MRTFB: variants seen among roughly 807,000 people sequenced by gnomAD.
The protein encoded by MRTFB is myocardin-related transcription factor B.
A neutral mutation model predicts 104.2 loss-of-function variants in MRTFB; 29 were observed. The observed-to-expected ratio is 0.28, with a 90% confidence interval of 0.21 to 0.38. The LOEUF is 0.38. Among genes scored for constraint, MRTFB ranks in the 10% least tolerant of loss-of-function variants. The pLI is 1.00. For missense variants in MRTFB, 1,270 were observed against 1,341.6 expected, an observed-to-expected ratio of 0.95 and a Z score of 0.83; for synonymous variants, 535 against 519.5, an observed-to-expected ratio of 1.03 and a Z score of -0.41.
chr16:14,127,517 G>A (rs1251214287), intron 2 of MRTFB, among the ~76,000 whole-genome samples: 2 of 151,604 alleles, frequency 1.3e-5, no homozygotes, highest in Non-Finnish European at 2.9e-5. Flanking sequence ...GGTGGTGGGC[G>A]CCTGTAGTCC....
the MRTFB span, among the ~76,000 whole-genome samples, chr16:14,048,184 A>G: frequency 6.6e-6 from 1 of 152,228 alleles, no homozygotes; most frequent in African/African-American, 2.4e-5. Context: ...CTTTGACTCC[A>G]TGTCTCACAT....
chr16:14,098,466 A>G (rs903917099), intron 2 of MRTFB, among the ~76,000 whole-genome samples: 2 of 152,268 alleles, frequency 1.3e-5, no homozygotes, highest in South Asian at 4.1e-4. Flanking sequence ...CTGGATATAG[A>G]TTATCAGATT....
chr16:14,039,760 CTTTTTTTT>C, the MRTFB span, among the ~76,000 whole-genome samples: 2 of 121,940 alleles, frequency 1.6e-5, no homozygotes, highest in Admixed American at 9.0e-5. Flanking sequence ...ATAATATGTT[CTTTTTTTT>C]TTTTTTTTTT....
At chr16:14,054,747 G>A in the MRTFB span, among the ~76,000 whole-genome samples, 3 of 152,162 alleles carry the variant, frequency 2.0e-5, no homozygotes, top group Non-Finnish European at 2.9e-5. Flanking sequence ...TACTTAATAA[G>A]CATTTATTAT....
At chr16:14,017,711 A>ATATTTTTT in the MRTFB span, among the ~76,000 whole-genome samples, 9 of 33,612 alleles carry the variant, frequency 2.7e-4, no homozygotes, top group African/African-American at 1.3e-3. Flanking sequence ...ATATATATAT[A>ATATTTTTT]TTTTTTTTTT....
rs778633361 is a variant in MRTFB, at chr16:14,187,001, C to T, written c.155-23242C>T. The T allele has an allele frequency of 1.1e-5, 18 of 1,596,964 alleles. No individual in the cohort carries two copies. In the African/African-American group the frequency reaches 2.0e-4, roughly 18 times the overall value. ...TTGAACCATTAAAAGAAAAGGAATGCCTTGAGGGGAGCAACCAGAAAAGTC... is the reference window on the plus strand; with the variant it reads ...TTGAACCATTAAAAGAAAAGGAATGTCTTGAGGGGAGCAACCAGAAAAGTC... On this transcript the variant is annotated intron_variant, in intron 3 of 16. Transcript: ENST00000571589.
chr16:14,199,257 G>A (rs1480560240), intron 3 of MRTFB, among the ~76,000 whole-genome samples: 1 of 152,140 alleles, frequency 6.6e-6, no homozygotes, highest in Non-Finnish European at 1.5e-5. Context: ...GCCTTCCTTT[G>A]TTGGATCTTC....
chr16:14,145,147 A>AT (rs1255748177), intron 3 of MRTFB, among the ~76,000 whole-genome samples: 1 of 151,528 alleles, frequency 6.6e-6, no homozygotes, highest in African/African-American at 2.4e-5. Flanking sequence ...TACTTTAATG[A>AT]TTTTTTTCAG....
the MRTFB span, among the ~76,000 whole-genome samples, chr16:14,054,544 A>G: frequency 6.6e-6 from 1 of 152,086 alleles, no homozygotes. Context: ...CTCAGCTTCT[A>G]TGTCATCACT....
chr16:14,005,641 G>C, the MRTFB span, among the ~76,000 whole-genome samples: 1 of 152,202 alleles, frequency 6.6e-6, no homozygotes, highest in African/African-American at 2.4e-5. Flanking sequence ...ACTATTTTCT[G>C]CAGAACACCA....
At chr16:14,057,042 C>T in the MRTFB span, among the ~76,000 whole-genome samples, 2 of 152,134 alleles carry the variant, frequency 1.3e-5, no homozygotes, top group African/African-American at 2.4e-5. Context: ...ACACTGAATG[C>T]TAGATATTGC....
At chr16:14,032,004 C>T in the MRTFB span, among the ~76,000 whole-genome samples, 10 of 152,200 alleles carry the variant, frequency 6.6e-5, no homozygotes, top group East Asian at 3.9e-4. Context: ...GACATAGTTT[C>T]GCCATGTTGG....
intron 8 of MRTFB, among the ~76,000 whole-genome samples, chr16:14,228,295 G>T (rs754740204): frequency 3.3e-5 from 5 of 152,184 alleles, no homozygotes; most frequent in Non-Finnish European, 5.9e-5. Context: ...AAGAAAACAG[G>T]GCTGGGCGCA....
intron 2 of MRTFB, among the ~76,000 whole-genome samples, chr16:14,110,780 A>G (rs186529809): frequency 6.6e-6 from 1 of 152,214 alleles, no homozygotes; most frequent in Admixed American, 6.5e-5. Flanking sequence ...CAGGATGACT[A>G]CATCATCCTC....
At chr16:14,120,746 G>T (rs1408471131) in intron 2 of MRTFB, among the ~76,000 whole-genome samples, 1 of 152,172 alleles carries the variant, frequency 6.6e-6, no homozygotes, top group Non-Finnish European at 1.5e-5. Flanking sequence ...GGATGGTTAT[G>T]ATTGGAACTT....
chr16:14,049,016 TG>T, the MRTFB span, among the ~76,000 whole-genome samples: 106 of 152,208 alleles, frequency 7.0e-4, no homozygotes, highest in Non-Finnish European at 4.1e-4. Context: ...TGGTTGAGTT[TG>T]CCTCCCAGGG....
At chr16:14,057,735 A>G in the MRTFB span, among the ~76,000 whole-genome samples, 2 of 149,718 alleles carry the variant, frequency 1.3e-5, no homozygotes, top group African/African-American at 4.9e-5. Flanking sequence ...CTGAAAACCC[A>G]AATTTTGCCT....
Position 14,247,037 on chromosome 16 carries a change from A to C in MRTFB, c.1777A>C (p.Lys593Gln), listed in dbSNP as rs745586133. ...GAAGAGGAAACTGGAACAAGAGCAG[A>C]AGCTCGTGGAAGTGCTGAAAATGCA... The part of the protein sequence containing the change: ...ELKRKLEQEQ[K>Q]LVEVLKMQLE... The change falls in exon 12 of 17, where the codon AAG becomes CAG. Residue 593 changes from lysine to glutamine, a missense_variant. Lys to Gln is a moderately conservative substitution (Grantham distance 53, BLOSUM62 1). Around this residue, in one of 3 missense-constraint regions of MRTFB, gnomAD observed 1,144 missense variants for 1,131.5 expected, o/e 1.01. Transcript: ENST00000571589. 4 of 1,614,208 alleles carry C rather than the reference A, an allele frequency of 2.5e-6. No individual in the cohort carries two copies. The highest frequency in any genetic ancestry group is 3.4e-6 in the Non-Finnish European group (4 of 1,180,048).
At chr16:14,054,107 C>T in the MRTFB span, among the ~76,000 whole-genome samples, 4 of 152,198 alleles carry the variant, frequency 2.6e-5, no homozygotes, top group African/African-American at 9.6e-5. Context: ...CTCAAACACA[C>T]CAAGCTCTTT....
Sources: gnomAD v4.1 joint callset for allele counts (sites outside exome capture counted in the v4.1 genomes callset) on GRCh38, gnomAD v4.1.1 for gene constraint, gnomAD v4.1.1 regional missense constraint, MANE v1.5 for transcripts, NCBI Gene and HGNC (gene_info 2026-07-23, HGNC 2026-07-21) for gene names.